The following NTNG1 variants were observed in gnomAD, a reference collection of about 807,000 sequenced individuals.
The protein encoded by NTNG1 is netrin-G1.
In NTNG1, 16 loss-of-function variants were observed where a neutral mutation model predicts 54.0. The observed-to-expected ratio is 0.30, with a 90% CI of 0.20 to 0.45. The LOEUF is 0.45. Ranked by LOEUF, NTNG1 falls within the 20% of genes least tolerant of loss-of-function variation. The probability of loss-of-function intolerance (pLI) is 1.00; values close to 1 mark genes in which losing one functional copy is unlikely to be tolerated. For synonymous variants in NTNG1, 255 were observed against 263.1 expected, an observed-to-expected ratio of 0.97 and a Z score of 0.30; for missense variants, 530 against 678.7, an observed-to-expected ratio of 0.78 and a Z score of 2.43.
In NTNG1 at chr1:107,301,512, C is replaced by T. The variant is rs144320259; in HGVS notation, c.247-22770C>T. 2.6e-3 allele frequency among the ~76,000 whole-genome samples: 401 copies of T among 152,264 alleles called. 2 individuals carry two copies. The highest frequency in any genetic ancestry group is 9.1e-3 in the African/African-American group (377 of 41,556). ...GTAGAATGTAGGGAACATGCACCCT[C>T]AATATGTTTACATTTATTTATATAA... is the stretch of plus-strand genomic sequence containing the variant. On this transcript the variant is annotated intron_variant, in intron 2 of 7. Coordinates refer to ENST00000370068, the MANE Select transcript of NTNG1 (RefSeq NM_001113226.3).
chr1:107,452,459 C>T (rs1676685618), intron 7 of NTNG1, among the ~76,000 whole-genome samples: 1 of 152,090 alleles, frequency 6.6e-6, no homozygotes, highest in Admixed American at 6.6e-5. Context: ...AGTTTGTCCC[C>T]ACAGAAACTT....
chr1:107,409,624 A>G (rs1383991200), intron 5 of NTNG1: 1 of 152,072 alleles, frequency 6.6e-6, no homozygotes, highest in Non-Finnish European at 1.5e-5. Context: ...ATTATCGAGA[A>G]CCTAGGAAAA....
chr1:107,183,480 A>C (rs1207811387), intron 2 of NTNG1, among the ~76,000 whole-genome samples: 1 of 152,190 alleles, frequency 6.6e-6, no homozygotes, highest in African/African-American at 2.4e-5. Flanking sequence ...CAAGTAATAA[A>C]GTTGTATTTC....
chr1:107,190,218 G>T (rs1049508947), intron 2 of NTNG1, among the ~76,000 whole-genome samples: 1 of 152,006 alleles, frequency 6.6e-6, no homozygotes, highest in Non-Finnish European at 1.5e-5. Flanking sequence ...GGAAAATAAC[G>T]TTTCGGAGAA....
chr1:107,301,730 C>T (rs779049871), intron 2 of NTNG1, among the ~76,000 whole-genome samples: 12 of 152,250 alleles, frequency 7.9e-5, no homozygotes, highest in Non-Finnish European at 1.3e-4. Flanking sequence ...TTCTATTCTA[C>T]GCAACACAAG....
chr1:107,174,356 C>G (rs1456941156), intron 2 of NTNG1, among the ~76,000 whole-genome samples: 1 of 152,108 alleles, frequency 6.6e-6, no homozygotes. Flanking sequence ...AGCACTTTGG[C>G]TGAATGTTTG....
chr1:107,163,503 G>C (rs1187967218), intron 2 of NTNG1, among the ~76,000 whole-genome samples: 3 of 152,020 alleles, frequency 2.0e-5, no homozygotes, highest in African/African-American at 7.2e-5. Flanking sequence ...TTTCCTATTA[G>C]TTTCCCTTTC....
chr1:107,408,673 GAAC>G (rs1673600575), intron 5 of NTNG1: 1 of 151,474 alleles, frequency 6.6e-6, no homozygotes, highest in Admixed American at 6.6e-5. Flanking sequence ...TAAAATCTTT[GAAC>G]AACTACTAAG....
At chr1:107,406,969 A>G (rs1445077491) in intron 4 of NTNG1, among the ~76,000 whole-genome samples, 2 of 152,180 alleles carry the variant, frequency 1.3e-5, no homozygotes, top group Admixed American at 1.3e-4. Context: ...GTCCACATTT[A>G]TACCAAGTCC....
At chr1:107,404,045 T>G (rs1673236224) in intron 4 of NTNG1, among the ~76,000 whole-genome samples, 2 of 150,798 alleles carry the variant, frequency 1.3e-5, no homozygotes, top group South Asian at 4.2e-4. Flanking sequence ...TAATGAAGCT[T>G]AAACTTCAGG....
At chr1:107,458,761 T>C (rs1677102428) in intron 7 of NTNG1, among the ~76,000 whole-genome samples, 1 of 152,184 alleles carries the variant, frequency 6.6e-6, no homozygotes, top group Admixed American at 6.5e-5. Flanking sequence ...TTCCATATGA[T>C]AGTTCCTTGG....
chr1:107,151,064 T>G (rs1482073135), intron 2 of NTNG1, among the ~76,000 whole-genome samples: 1 of 152,208 alleles, frequency 6.6e-6, no homozygotes, highest in African/African-American at 2.4e-5. Context: ...TTGGACAGAA[T>G]GGTTTTCCAA....
chr1:107,478,533 A>G (rs144962935), intron 7 of NTNG1, among the ~76,000 whole-genome samples: 1,615 of 152,322 alleles, frequency 0.011, 32 homozygotes, highest in African/African-American at 0.038. Context: ...AAGAAGAAAA[A>G]TAGCTTTTTT....
At chr1:107,278,792 T>A (rs1055492782) in intron 2 of NTNG1, among the ~76,000 whole-genome samples, 6 of 151,918 alleles carry the variant, frequency 3.9e-5, no homozygotes, top group African/African-American at 1.2e-4. Flanking sequence ...TTTCGTAACT[T>A]AAAAAAAAGA....
chr1:107,367,613 A>AAAAT (rs1051642365), intron 3 of NTNG1, among the ~76,000 whole-genome samples: 11 of 152,148 alleles, frequency 7.2e-5, no homozygotes, highest in African/African-American at 1.4e-4. Flanking sequence ...ATTTTACCAC[A>AAAAT]AAATAAATAA....
At chr1:107,338,203 G>A (rs1668697887) in intron 3 of NTNG1, among the ~76,000 whole-genome samples, 1 of 151,940 alleles carries the variant, frequency 6.6e-6, no homozygotes, top group Non-Finnish European at 1.5e-5. Context: ...TGAGGGTTGT[G>A]GATAGAGAAA....
chr1:107,277,127 G>T (rs1212135392), intron 2 of NTNG1, among the ~76,000 whole-genome samples: 2 of 152,162 alleles, frequency 1.3e-5, no homozygotes, highest in Admixed American at 6.5e-5. Flanking sequence ...AGCCAATCGG[G>T]AATCTTCCAA....
chr1:107,230,348 T>C (rs1189432761), intron 2 of NTNG1, among the ~76,000 whole-genome samples: 1 of 152,126 alleles, frequency 6.6e-6, no homozygotes, highest in Non-Finnish European at 1.5e-5. Flanking sequence ...AGTCAGTCCA[T>C]TGATGGGCAG....
chr1:107,185,921 A>C (rs1657427411), intron 2 of NTNG1, among the ~76,000 whole-genome samples: 1 of 152,078 alleles, frequency 6.6e-6, no homozygotes, highest in South Asian at 2.1e-4. Context: ...GTTTTGTTAC[A>C]TAATTATATT....
Sources: allele counts gnomAD v4.1 joint callset (sites outside exome capture counted in the v4.1 genomes callset), GRCh38; gene constraint gnomAD v4.1.1; transcripts MANE v1.5; gene names NCBI Gene and HGNC (gene_info 2026-07-23, HGNC 2026-07-21).